The following ZNF454 variants were observed in gnomAD, a reference collection of about 807,000 sequenced individuals.
ZNF454 encodes the protein zinc finger protein 454.
ZNF454 carries 30 observed loss-of-function variants against 48.2 expected under a neutral mutation model. The observed-to-expected ratio is 0.62, with a 90% CI of 0.47 to 0.84. The LOEUF is 0.84. Ranked by LOEUF, ZNF454 falls within the 40% of genes least tolerant of loss-of-function variation. ZNF454 has a pLI of 0.00. For missense variants in ZNF454, 510 were observed against 623.1 expected (o/e 0.82, Z 1.93); for synonymous variants, 204 against 211.4 (o/e 0.97, Z 0.30).
At chr5:178,962,464 T>C (rs1278122714) in intron 4 of ZNF454, among the ~76,000 whole-genome samples, 2 of 151,796 alleles carry the variant, frequency 1.3e-5, no homozygotes. Flanking sequence ...TTTCTGCTTA[T>C]GTATTTTTGT....
chr5:178,979,521 C>T, the ZNF454 span: 1 of 152,194 alleles, frequency 6.6e-6, no homozygotes, highest in African/African-American at 2.4e-5. Flanking sequence ...GAGTTCCTGC[C>T]AGAGAGGCCC....
chr5:178,945,802 C>T (rs912257211), intron 2 of ZNF454, among the ~76,000 whole-genome samples: 3 of 151,814 alleles, frequency 2.0e-5, no homozygotes, highest in East Asian at 3.9e-4. Context: ...GTACATGGGC[C>T]GTGTTCCAGA....
intron 4 of ZNF454, among the ~76,000 whole-genome samples, chr5:178,957,482 T>C (rs1759823617): frequency 6.6e-6 from 1 of 152,090 alleles, no homozygotes; most frequent in Admixed American, 6.6e-5. Context: ...CGATCTCGGC[T>C]CACTGCAAGC....
At chr5:178,972,220 C>T in the ZNF454 span, among the ~76,000 whole-genome samples, 1 of 152,124 alleles carries the variant, frequency 6.6e-6, no homozygotes, top group African/African-American at 2.4e-5. Context: ...AGGTGTGAGC[C>T]ACCGCACCTG....
At chr5:178,950,739 G>A (rs9784706) in intron 4 of ZNF454, among the ~76,000 whole-genome samples, 43,159 of 151,816 alleles carry the variant, frequency 0.28, 6,436 homozygotes, top group Admixed American at 0.35. Flanking sequence ...AAATGTATTA[G>A]ATTACAACTA....
intron 4 of ZNF454, among the ~76,000 whole-genome samples, chr5:178,954,888 A>G (rs943136386): frequency 6.6e-6 from 1 of 152,216 alleles, no homozygotes; most frequent in African/African-American, 2.4e-5. Context: ...ACATGTCAGC[A>G]GTTCCTTGCC....
chr5:178,948,352 T>C (rs1012875866), intron 4 of ZNF454, among the ~76,000 whole-genome samples: 2 of 152,258 alleles, frequency 1.3e-5, no homozygotes, highest in African/African-American at 4.8e-5. Flanking sequence ...TTCTGTATTA[T>C]ACAAATAGTC....
rs750556119 is a variant in ZNF454, at chr5:178,946,458, G to A, written c.133G>A (p.Glu45Lys). ...QRALYRDVML[E>K]NYSNLVSLGL... ...GGCCCTGTACAGGGACGTGATGCTGGAGAACTACAGCAACCTGGTCTCACT... is the reference window on the plus strand; with the variant it reads ...GGCCCTGTACAGGGACGTGATGCTGAAGAACTACAGCAACCTGGTCTCACT... The change falls in exon 3 of 5, where the codon GAG (glutamate) becomes AAG (lysine). Residue 45 changes from glutamate to lysine, a missense_variant. Physicochemically the swap from Glu to Lys is moderately conservative, Grantham distance 56 (BLOSUM62 1). This residue lies in a region of ZNF454 where 354 missense variants were observed against 408.9 expected (regional missense o/e 0.87). Coordinates refer to ENST00000519564, the MANE Select transcript of ZNF454 (RefSeq NM_001178089.3). This position sits in a 1 kb window ranked among gnomAD's most constrained non-coding sequence, Gnocchi z 4.5. 11 of 1,602,942 alleles carry A rather than the reference G, an allele frequency of 6.9e-6. No individual in the cohort carries two copies. The highest frequency in any genetic ancestry group is 7.6e-6 in the Non-Finnish European group (9 of 1,177,234).
At chr5:178,945,064 T>A in intron 2 of ZNF454, among the ~76,000 whole-genome samples, 1 of 116,990 alleles carries the variant, frequency 8.5e-6, no homozygotes, top group Non-Finnish European at 1.8e-5. Context: ...TGTCACAGGG[T>A]GTGTGTGGGG....
rs1404586670 is a variant in ZNF454 at position 178,944,480 on chromosome 5, A to C, written c.33+1656A>C. Among the ~76,000 whole-genome samples the C allele has an allele frequency of 1.3e-5, 2 of 152,238 alleles. No individual in the cohort carries two copies. The highest frequency in any genetic ancestry group is 1.5e-5 in the Non-Finnish European group (1 of 68,048). Reference sequence around the variant, plus strand: ...TGTGCCAGGAATTATGATCTGGGCTACAAATACAAAGTGAACGATAAATGG... The same window carrying C: ...TGTGCCAGGAATTATGATCTGGGCTCCAAATACAAAGTGAACGATAAATGG... On this transcript the variant is annotated intron_variant, in intron 2 of 4. Transcript: ENST00000519564. This position sits in a 1 kb window ranked among gnomAD's most constrained non-coding sequence, Gnocchi z 4.1.
At chr5:178,983,218 C>G in the ZNF454 span, 3 of 1,611,174 alleles carry the variant, frequency 1.9e-6, no homozygotes, top group Non-Finnish European at 2.5e-6. Flanking sequence ...ATCATCCCCA[C>G]CACCTGCAGG....
chr5:178,987,244 G>A, the ZNF454 span: 34 of 633,518 alleles, frequency 5.4e-5, no homozygotes, highest in Middle Eastern at 2.5e-4. Context: ...GGCTGCAGCC[G>A]CTGCAGAAAA....
At chr5:178,957,422 T>TA (rs1468368043) in intron 4 of ZNF454, among the ~76,000 whole-genome samples, 1 of 152,042 alleles carries the variant, frequency 6.6e-6, no homozygotes, top group East Asian at 1.9e-4. Context: ...TATTTTATTT[T>TA]TTTTGGGGAC....
chr5:178,985,528 CCT>C, the ZNF454 span: 1 of 338,612 alleles, frequency 3.0e-6, no homozygotes, highest in Non-Finnish European at 5.8e-6. Flanking sequence ...ACGGTGAAGC[CCT>C]GTCTCTACTA....
chr5:178,968,702 G>T (rs1416579630), downstream of ZNF454: 3 of 452,216 alleles, frequency 6.6e-6, no homozygotes, highest in Admixed American at 7.1e-5. Flanking sequence ...CATGTAATGT[G>T]CCAGGTCTTA....
intron 4 of ZNF454, among the ~76,000 whole-genome samples, chr5:178,953,554 T>G (rs1759635326): frequency 6.6e-6 from 1 of 152,168 alleles, no homozygotes; most frequent in East Asian, 1.9e-4. Context: ...TCGTGTCTTC[T>G]TTCGTGGTTT....
rs761255262 is a variant in ZNF454 at position 178,942,759 on chromosome 5, C to G, written c.-33C>G. 1.9e-6 allele frequency: 3 copies of G among 1,613,972 alleles called. No individual in the cohort carries two copies. The highest frequency in any genetic ancestry group is 4.5e-5 in the East Asian group (2 of 44,862). On this transcript the variant is annotated 5_prime_UTR_variant, in exon 2 of 5. Transcript: ENST00000519564. ...CACACCTGCCTCCATAGCACTTTGC[C>G]TGTCCCTAAGAGGGCTCATCGGAGA...
At chr5:178,985,237 A>G in the ZNF454 span, 2 of 456,174 alleles carry the variant, frequency 4.4e-6, no homozygotes, top group Non-Finnish European at 8.8e-6. Context: ...AAATTGTAGA[A>G]GAGCATTTTG....
At chr5:178,958,838 T>C (rs1387080625) in intron 4 of ZNF454, among the ~76,000 whole-genome samples, 1 of 152,246 alleles carries the variant, frequency 6.6e-6, no homozygotes, top group East Asian at 1.9e-4. Context: ...TTTTAAAGTA[T>C]CTATACATCT....
Sources: allele counts gnomAD v4.1 joint callset (sites outside exome capture counted in the v4.1 genomes callset), GRCh38; gene constraint gnomAD v4.1.1; regional missense constraint gnomAD v4.1.1; non-coding constraint Gnocchi (gnomAD v3.1); transcripts MANE v1.5; gene names NCBI Gene and HGNC (gene_info 2026-07-23, HGNC 2026-07-21).